The following DYNC1H1 variants were observed in gnomAD, a reference collection of about 807,000 sequenced individuals.
DYNC1H1 encodes cytoplasmic dynein 1 heavy chain 1.
DYNC1H1 carries 51 observed loss-of-function variants against 527.1 expected under a neutral mutation model. The ratio of observed to expected loss-of-function variants is 0.10; its 90% confidence interval spans 0.08 to 0.12. DYNC1H1 has a LOEUF of 0.12. Ranked by LOEUF, DYNC1H1 falls within the 10% of genes least tolerant of loss-of-function variation. The pLI is 1.00. For missense variants in DYNC1H1, 2,771 were observed against 5,971.8 expected (o/e 0.46, Z 17.66); for synonymous variants, 2,189 against 2,278.8 (o/e 0.96, Z 1.12).
chr14:101,995,314 A>G lies in DYNC1H1; in HGVS notation c.3564+14A>G, dbSNP rs1386311042. 7 of 1,614,028 alleles carry G rather than the reference A, an allele frequency of 4.3e-6. No homozygotes were observed. The highest frequency in any genetic ancestry group is 2.2e-5 in the East Asian group (1 of 44,880). On this transcript the variant is annotated intron_variant, in intron 15 of 77. Coordinates refer to ENST00000360184, the MANE Select transcript of DYNC1H1 (RefSeq NM_001376.5). ...AAGCAAGTTGAGGTGAGCTCTGTGC[A>G]TATTTAAAAATTTTTGGCTGGGCGT... is the stretch of plus-strand genomic sequence containing the variant.
Position 102,036,879 on chromosome 14 carries a change from G to A in DYNC1H1, c.10908+237G>A. Reference sequence around the variant, plus strand: ...TCAGCACTTTGGGAGGCCGAGGCGGGTGGATCATCTAAGGTCAGGAATTCA... The same window carrying A: ...TCAGCACTTTGGGAGGCCGAGGCGGATGGATCATCTAAGGTCAGGAATTCA... On this transcript the variant is annotated intron_variant, in intron 57 of 77. Transcript: ENST00000360184. This position sits in a 1 kb window ranked among gnomAD's most constrained non-coding sequence, Gnocchi z 5.6. 1 of 445,808 alleles carries A rather than the reference G, an allele frequency of 2.2e-6. No individual in the cohort carries two copies. Among genetic ancestry groups the A allele is most frequent in the South Asian group, 2.0e-5 (1 of 50,230 alleles). The allele number at this position is 445,808 out of a possible 1,614,324, so 27.6% of individuals were successfully genotyped here.
intron 43 of DYNC1H1, among the ~76,000 whole-genome samples, chr14:102,024,692 CTTTTT>C (rs541855664): frequency 9.1e-6 from 1 of 109,512 alleles, no homozygotes. Flanking sequence ...TTTTTTAACT[CTTTTT>C]TTTTTTTTTT....
chr14:101,995,160 T>C, intron 14 of DYNC1H1, 21 bp from the exon 15 acceptor site: 1 of 1,614,198 alleles, frequency 6.2e-7, no homozygotes, highest in Non-Finnish European at 8.5e-7. Flanking sequence ...TGTGATGAAA[T>C]ACTCCCCTCT....
In DYNC1H1 at chr14:102,017,793, C is replaced by A; in HGVS notation, c.8177+289C>A. The A allele has an allele frequency of 2.3e-6, 1 of 438,808 alleles. No homozygotes were observed. Among genetic ancestry groups the A allele is most frequent in the Non-Finnish European group, 4.2e-6 (1 of 240,406 alleles). The allele number at this position is 438,808 out of a possible 1,614,324, so 27.2% of individuals were successfully genotyped here. The stretch of plus-strand genomic sequence containing the variant: ...CATCCTGGCCAACACAGTGAAACCT[C>A]GTCTCTACTGAAAATACAAAAACAA... On this transcript the variant is annotated intron_variant, in intron 40 of 77. Coordinates refer to ENST00000360184, the MANE Select transcript of DYNC1H1 (RefSeq NM_001376.5). The surrounding 1 kb of genome is among the most constrained non-coding windows in gnomAD (Gnocchi z 4.6).
Position 101,979,502 on chromosome 14 carries a change from G to A in DYNC1H1, c.518+10G>A. ...CTGGCAAGGCAGACAGGTAAAAACT[G>A]TGGTTTGAATGTTATATTTCACTTA... On this transcript the variant is annotated intron_variant, in intron 3 of 77. Coordinates refer to ENST00000360184, the MANE Select transcript of DYNC1H1 (RefSeq NM_001376.5). This position sits in a 1 kb window ranked among gnomAD's most constrained non-coding sequence, Gnocchi z 4.6. 6.2e-7 allele frequency: 1 copy of A among 1,614,114 alleles called. No homozygotes were observed. The highest frequency in any genetic ancestry group is 8.5e-7 in the Non-Finnish European group (1 of 1,180,014).
Position 101,983,321 on chromosome 14 carries a change from C to G in DYNC1H1, c.1233+31C>G. On this transcript the variant is annotated intron_variant, in intron 6 of 77. Transcript: ENST00000360184. The surrounding 1 kb of genome is among the most constrained non-coding windows in gnomAD (Gnocchi z 5.3). ...TTTGAATATATAAGACAACCAACCT[C>G]AAGACATTGAGATGAAAATATGTCT... is the stretch of plus-strand genomic sequence containing the variant. 6.2e-7 allele frequency: 1 copy of G among 1,614,130 alleles called. No homozygotes were observed. Among genetic ancestry groups the G allele is most frequent in the Non-Finnish European group, 8.5e-7 (1 of 1,179,998 alleles).
rs1006593304 is a variant in DYNC1H1, at chr14:102,040,369, C to T, written c.11824C>T (p.Pro3942Ser). Reference sequence around the variant, plus strand: ...GGCGGTGGTGAGGCTGAGCTGCCTTCCCGCGTTTAAGGACTTGATTGCAAA... The same window carrying T: ...GGCGGTGGTGAGGCTGAGCTGCCTTTCCGCGTTTAAGGACTTGATTGCAAA... Reference protein sequence around the residue: ...AEAVVRLSCLPAFKDLIAKVQ... With the variant: ...AEAVVRLSCLSAFKDLIAKVQ... The change falls in exon 63 of 78, where the codon CCC becomes TCC. Residue 3942 changes from proline (P) to serine (S), a missense_variant. This residue lies in a region of DYNC1H1 where 120 missense variants were observed against 161.9 expected (regional missense o/e 0.74). Transcript: ENST00000360184. 2.7e-5 allele frequency: 44 copies of T among 1,614,034 alleles called. 1 individual carries two copies. The East Asian group carries it at 9.8e-4, about 36-fold the overall frequency.
intron 5 of DYNC1H1, 90 bp downstream of exon 5, chr14:101,980,640 T>C (rs1482689785): frequency 6.9e-7 from 1 of 1,454,090 alleles, no homozygotes; most frequent in African/African-American, 1.4e-5. Context: ...AACTATAGTT[T>C]TCACAGATGT....
In DYNC1H1 at chr14:102,029,167, A is replaced by T; in HGVS notation, c.9469-372A>T. On this transcript the variant is annotated intron_variant, in intron 48 of 77. Coordinates refer to ENST00000360184, the MANE Select transcript of DYNC1H1 (RefSeq NM_001376.5). This position sits in a 1 kb window ranked among gnomAD's most constrained non-coding sequence, Gnocchi z 5.3. Reference sequence around the variant, plus strand: ...GCTGTGCTTCAGAAATCAAGGGACCAGAGCAGTTTCTCACATCAGGCCTGC... The same window carrying T: ...GCTGTGCTTCAGAAATCAAGGGACCTGAGCAGTTTCTCACATCAGGCCTGC... 1 of 312,624 alleles carries T rather than the reference A, an allele frequency of 3.2e-6. No individual in the cohort carries two copies. The highest frequency in any genetic ancestry group is 6.2e-6 in the Non-Finnish European group (1 of 161,904). The allele number at this position is 312,624 out of a possible 1,614,324, so 19.4% of individuals were successfully genotyped here.
intron 12 of DYNC1H1, 44 bp from the exon 13 acceptor site, chr14:101,994,629 A>C: frequency 1.2e-6 from 2 of 1,611,088 alleles, no homozygotes; most frequent in Non-Finnish European, 1.7e-6. Flanking sequence ...TATTCTACAA[A>C]ATGAAAACTC....
In DYNC1H1 at chr14:101,983,508, C is replaced by T. The variant is rs1362114769; in HGVS notation, c.1360C>T (p.Pro454Ser). ...ENLKMVWRIN[P>S]AHRKLQARLD... Reference sequence around the variant, plus strand: ...TCTGAAGATGGTGTGGCGTATCAACCCTGCCCACAGGAAGCTGCAGGCCCG... The same window carrying T: ...TCTGAAGATGGTGTGGCGTATCAACTCTGCCCACAGGAAGCTGCAGGCCCG... The change falls in exon 7 of 78, where the codon CCT (proline) becomes TCT (serine). Residue 454 changes from proline to serine, a missense_variant. Around this residue, in one of 32 missense-constraint regions of DYNC1H1, gnomAD observed 264 missense variants for 619.4 expected, o/e 0.43. Transcript: ENST00000360184. The surrounding 1 kb of genome is among the most constrained non-coding windows in gnomAD (Gnocchi z 5.3). 3 of 1,613,962 alleles carry T rather than the reference C, an allele frequency of 1.9e-6. No homozygotes were observed. The highest frequency in any genetic ancestry group is 2.5e-6 in the Non-Finnish European group (3 of 1,180,032).
intron 43 of DYNC1H1, 71 bp from the exon 44 acceptor site, chr14:102,026,503 A>G (rs2048452999): frequency 5.2e-6 from 8 of 1,545,936 alleles, no homozygotes; most frequent in Non-Finnish European, 2.7e-6. Context: ...GTATGTGGAC[A>G]TACAGTTGAC....
At position 101,991,582 on chromosome 14, in the gene DYNC1H1, T is replaced by C; in HGVS notation, c.2924T>C (p.Ile975Thr). Residue 975 changes from isoleucine to threonine, a missense_variant, in exon 11 of 78, where the codon ATT (isoleucine) becomes ACT (threonine). Around this residue, in one of 32 missense-constraint regions of DYNC1H1, gnomAD observed 179 missense variants for 349.4 expected, o/e 0.51. Transcript: ENST00000360184. ...TNQVIYLNPP[I>T]EECRYKLYQE... The stretch of plus-strand genomic sequence containing the variant: ...CAGGTAATCTACTTGAATCCACCAA[T>C]TGAAGAGTGCAGATACAAGCTGTAT... The C allele has an allele frequency of 6.2e-7, 1 of 1,614,216 alleles. No individual in the cohort carries two copies. The highest frequency in any genetic ancestry group is 1.3e-5 in the African/African-American group (1 of 75,064).
chr14:102,019,838 C>G, intron 41 of DYNC1H1, 55 bp from the exon 42 acceptor site: 1 of 1,609,524 alleles, frequency 6.2e-7, no homozygotes, highest in Non-Finnish European at 8.5e-7. Flanking sequence ...CTTTTGACCA[C>G]TTCTCTGTGT....
In DYNC1H1 at chr14:102,034,430, A is replaced by G; in HGVS notation, c.10732A>G (p.Ile3578Val). ...TGATGACCTTTGCACAGAAAATGCC[A>G]TCATGCTGAAACGATTCAATAGGTA... Reference protein sequence around the residue: ...PADDLCTENAIMLKRFNRYPL... With the variant: ...PADDLCTENAVMLKRFNRYPL... Residue 3578 changes from isoleucine (I) to valine (V), a missense_variant, in exon 56 of 78, where the codon ATC becomes GTC. By Grantham distance (29) the Ile-to-Val change is conservative. This residue lies in a region of DYNC1H1 where 283 missense variants were observed against 737.6 expected (regional missense o/e 0.38). Transcript: ENST00000360184. 1 of 1,613,178 alleles carries G rather than the reference A, an allele frequency of 6.2e-7. No individual in the cohort carries two copies. The highest frequency in any genetic ancestry group is 8.5e-7 in the Non-Finnish European group (1 of 1,180,044).
intron 72 of DYNC1H1, chr14:102,045,170 G>A: frequency 4.5e-6 from 1 of 224,678 alleles, no homozygotes; most frequent in East Asian, 1.1e-4. Flanking sequence ...GAGCATGGTG[G>A]CAGGCACCTG....
rs1216339531 is a variant in DYNC1H1 at position 102,011,693 on chromosome 14, G to A, written c.6619-182G>A. 21 of 631,844 alleles carry A rather than the reference G, an allele frequency of 3.3e-5. No individual in the cohort carries two copies. The highest frequency in any genetic ancestry group is 2.8e-5 in the East Asian group (1 of 35,176). The allele number at this position is 631,844 out of a possible 1,614,324, so 39.1% of individuals were successfully genotyped here. On this transcript the variant is annotated intron_variant, in intron 32 of 77. Coordinates refer to ENST00000360184, the MANE Select transcript of DYNC1H1 (RefSeq NM_001376.5). The surrounding 1 kb of genome is among the most constrained non-coding windows in gnomAD (Gnocchi z 5.3). ...CTTGAACCTGGGAGGTGGAGCTTGCGGTGAGCTGAGATCGTGCCACTGCAT... is the reference window on the plus strand; with the variant it reads ...CTTGAACCTGGGAGGTGGAGCTTGCAGTGAGCTGAGATCGTGCCACTGCAT...
Position 102,044,844 on chromosome 14 carries a change from G to T in DYNC1H1, c.13006+146G>T, listed in dbSNP as rs1474244552. The T allele has an allele frequency of 1.4e-5, 13 of 937,116 alleles. No homozygotes were observed. The highest frequency in any genetic ancestry group is 6.5e-5 in the Admixed American group (3 of 46,366). The allele number at this position is 937,116 out of a possible 1,614,324, so 58.1% of individuals were successfully genotyped here. On this transcript the variant is annotated intron_variant, in intron 72 of 77. Coordinates refer to ENST00000360184, the MANE Select transcript of DYNC1H1 (RefSeq NM_001376.5). This position sits in a 1 kb window ranked among gnomAD's most constrained non-coding sequence, Gnocchi z 7.1. ...GGTTATGCTGGGTGTGGCTCTGTCA[G>T]CCTCGGCCTTCCTGCCAGTCTCCAG...
At position 101,979,554 on chromosome 14, in the gene DYNC1H1, G is replaced by A. The variant is rs1042972121; in HGVS notation, c.518+62G>A. The A allele has an allele frequency of 1.2e-6, 2 of 1,612,174 alleles. No individual in the cohort carries two copies. Among genetic ancestry groups the A allele is most frequent in the Non-Finnish European group, 1.7e-6 (2 of 1,178,772 alleles). On this transcript the variant is annotated intron_variant, in intron 3 of 77. Coordinates refer to ENST00000360184, the MANE Select transcript of DYNC1H1 (RefSeq NM_001376.5). The surrounding 1 kb of genome is among the most constrained non-coding windows in gnomAD (Gnocchi z 4.6). ...TGTTCACAAGATAGTATAGAACTCG[G>A]TGTAAAACTTGGGAATTGGGAGGGT...
Sources: allele counts gnomAD v4.1 joint callset (sites outside exome capture counted in the v4.1 genomes callset), GRCh38; gene constraint gnomAD v4.1.1; regional missense constraint gnomAD v4.1.1; non-coding constraint Gnocchi (gnomAD v3.1); transcripts MANE v1.5; gene names NCBI Gene and HGNC (gene_info 2026-07-23, HGNC 2026-07-21).